GSE1: variants seen among roughly 807,000 people sequenced by gnomAD.
GSE1 encodes Gse1 coiled-coil protein.
In GSE1, 32 loss-of-function variants were observed where a neutral mutation model predicts 112.6. The observed-to-expected ratio is 0.28, with a 90% CI of 0.21 to 0.38. The LOEUF is 0.38. GSE1 is among the 10% of genes least tolerant of loss of function. GSE1 has a pLI of 1.00. For missense variants in GSE1, 2,348 were observed against 1,699.2 expected (o/e 1.38, Z -6.71); for synonymous variants, 1,115 against 735.6 (o/e 1.52, Z -8.35).
At chr16:85,231,886 C>T (rs1417080296) in intron 1 of GSE1, among the ~76,000 whole-genome samples, 5 of 152,344 alleles carry the variant, frequency 3.3e-5, no homozygotes, top group East Asian at 1.9e-4. Context: ...AATGAAAAGT[C>T]ATCATGGTGC....
At chr16:85,658,404 A>G (rs1204495306) in intron 8 of GSE1, among the ~76,000 whole-genome samples, 1 of 152,192 alleles carries the variant, frequency 6.6e-6, no homozygotes, top group Non-Finnish European at 1.5e-5. Context: ...TCAACTGTCC[A>G]CAAAGGAGGG....
intron 2 of GSE1, among the ~76,000 whole-genome samples, chr16:85,648,192 C>A (rs897162272): frequency 2.6e-5 from 4 of 152,134 alleles, no homozygotes; most frequent in Admixed American, 2.6e-4. Flanking sequence ...AAGGTGCTAC[C>A]TTCGTCTCTC....
intron 1 of GSE1, among the ~76,000 whole-genome samples, chr16:85,248,876 A>G (rs1906152955): frequency 1.3e-5 from 2 of 152,290 alleles, no homozygotes; most frequent in East Asian, 1.9e-4. Flanking sequence ...ACCAGCCTGC[A>G]TGGGCCCTGG....
chr16:85,273,113 C>T (rs955581390), intron 1 of GSE1, among the ~76,000 whole-genome samples: 1 of 152,196 alleles, frequency 6.6e-6, no homozygotes. Flanking sequence ...AGAATTGAAG[C>T]CGTGACTGGC....
intron 1 of GSE1, among the ~76,000 whole-genome samples, chr16:85,282,168 C>T (rs2044876150): frequency 6.6e-6 from 1 of 152,106 alleles, no homozygotes; most frequent in Non-Finnish European, 1.5e-5. Flanking sequence ...GCTGGGACTA[C>T]AGGCGTGCAC....
At chr16:85,565,357 C>G (rs1363500045) in intron 1 of GSE1, among the ~76,000 whole-genome samples, 1 of 150,968 alleles carries the variant, frequency 6.6e-6, no homozygotes, top group Non-Finnish European at 1.5e-5. Flanking sequence ...TGCCACTGCA[C>G]TCCAGCCTGG....
chr16:85,382,444 A>G (rs186840439), intron 2 of GSE1, among the ~76,000 whole-genome samples: 8 of 152,292 alleles, frequency 5.3e-5, no homozygotes, highest in Admixed American at 3.9e-4. Flanking sequence ...TGCCCCTGCA[A>G]TGTGCAGAAT....
chr16:85,399,070 T>C (rs2048031591), intron 2 of GSE1, among the ~76,000 whole-genome samples: 1 of 152,194 alleles, frequency 6.6e-6, no homozygotes, highest in Non-Finnish European at 1.5e-5. Flanking sequence ...ATATATTACA[T>C]GCACATGTGT....
chr16:85,422,102 A>G (rs1236376231), intron 2 of GSE1, among the ~76,000 whole-genome samples: 3 of 152,104 alleles, frequency 2.0e-5, no homozygotes, highest in Non-Finnish European at 2.9e-5. Flanking sequence ...CAGGCAGGCC[A>G]TCATCGAACC....
At chr16:85,375,895 C>T (rs1056406832) in intron 2 of GSE1, among the ~76,000 whole-genome samples, 3 of 152,218 alleles carry the variant, frequency 2.0e-5, no homozygotes, top group African/African-American at 4.8e-5. Flanking sequence ...ATGTCAACTC[C>T]ACCATCAGCC....
At chr16:85,503,102 C>T (rs2051425686) in intron 2 of GSE1, among the ~76,000 whole-genome samples, 1 of 152,204 alleles carries the variant, frequency 6.6e-6, no homozygotes, top group Non-Finnish European at 1.5e-5. Context: ...GCAGAGGGCA[C>T]GGCCAGTGCC....
rs533812833 is a variant in GSE1, at chr16:85,673,079, TCAAAG to T, written c.*544_*548del. The T allele has an allele frequency of 2.1e-5, 3 of 144,382 alleles. No individual in the cohort carries two copies. Among genetic ancestry groups the T allele is most frequent in the Admixed American group, 6.7e-5 (1 of 15,014 alleles). 8.9% of individuals were successfully genotyped at this position (144,382 alleles called of 1,614,324 possible). On this transcript the variant is annotated 3_prime_UTR_variant, in exon 16 of 16. Transcript: ENST00000253458. The stretch of plus-strand genomic sequence containing the variant: ...ATTTTACTTTCCTGCAAAATTTTCT[TCAAAG>T]CAACAAGTCCTAGGAGCACACAAAG...
intron 2 of GSE1, among the ~76,000 whole-genome samples, chr16:85,420,623 C>T (rs1018541748): frequency 2.6e-5 from 4 of 152,162 alleles, no homozygotes; most frequent in African/African-American, 9.7e-5. Flanking sequence ...GGAGGGCCTG[C>T]AGCAGATGAG....
intron 1 of GSE1, among the ~76,000 whole-genome samples, chr16:85,214,228 T>C (rs1029153012): frequency 2.6e-5 from 4 of 151,926 alleles, no homozygotes; most frequent in African/African-American, 9.7e-5. Context: ...GGAAGCCGAC[T>C]ATGCTGGGGT....
chr16:85,495,012 G>A (rs1212278721), intron 2 of GSE1, among the ~76,000 whole-genome samples: 1 of 152,226 alleles, frequency 6.6e-6, no homozygotes, highest in Non-Finnish European at 1.5e-5. Context: ...GCCCTGCTGG[G>A]TCCGGCCCGG....
At chr16:85,178,489 C>T (rs946165331) in intron 1 of GSE1, among the ~76,000 whole-genome samples, 4 of 152,092 alleles carry the variant, frequency 2.6e-5, no homozygotes, top group Non-Finnish European at 5.9e-5. Flanking sequence ...GCCCTGCCCC[C>T]AGGCCTGTTA....
intron 1 of GSE1, among the ~76,000 whole-genome samples, chr16:85,290,753 T>C (rs1438889874): frequency 6.6e-6 from 1 of 151,286 alleles, no homozygotes; most frequent in African/African-American, 2.4e-5. Context: ...AGCTGTCCGG[T>C]AGATTCTGAG....
chr16:85,407,905 TG>T (rs1337126315), intron 2 of GSE1, among the ~76,000 whole-genome samples: 2 of 30,322 alleles, frequency 6.6e-5, no homozygotes, highest in African/African-American at 3.7e-4. Flanking sequence ...AGGGCCCCCC[TG>T]GATAATCCTC....
chr16:85,564,215 C>A (rs1299784233), intron 1 of GSE1, among the ~76,000 whole-genome samples: 1 of 152,298 alleles, frequency 6.6e-6, no homozygotes, highest in African/African-American at 2.4e-5. Context: ...TAAAAGCAGG[C>A]TTTGGAAGTA....
Sources: gnomAD v4.1 joint callset for allele counts (sites outside exome capture counted in the v4.1 genomes callset) on GRCh38, gnomAD v4.1.1 for gene constraint, MANE v1.5 for transcripts, NCBI Gene and HGNC (gene_info 2026-07-23, HGNC 2026-07-21) for gene names.